The following CNTN5 variants were observed in gnomAD, a reference collection of about 807,000 sequenced individuals.
CNTN5 encodes the protein contactin 5.
Under a neutral mutation model 129.1 loss-of-function variants are expected in CNTN5, and 77 were observed. The observed-to-expected ratio is 0.60, with a 90% CI of 0.50 to 0.72. CNTN5 has a LOEUF of 0.72. Among genes scored for constraint, CNTN5 ranks in the 30% least tolerant of loss-of-function variants. CNTN5 has a pLI of 0.00. For missense variants in CNTN5, 1,478 were observed against 1,328.8 expected (o/e 1.11, Z -1.75); for synonymous variants, 509 against 465.6 (o/e 1.09, Z -1.20).
chr11:100,334,031 T>G (rs1951970780), intron 21 of CNTN5, among the ~76,000 whole-genome samples: 2 of 152,108 alleles, frequency 1.3e-5, no homozygotes, highest in African/African-American at 4.8e-5. Flanking sequence ...TCACAGTCTA[T>G]ACATCCAACA....
chr11:100,061,366 T>A lies in CNTN5; in HGVS notation c.1135T>A (p.Ser379Thr). The A allele has an allele frequency of 2.5e-6, 4 of 1,599,228 alleles. No homozygotes were observed. Among genetic ancestry groups the A allele is most frequent in the Non-Finnish European group, 3.4e-6 (4 of 1,168,632 alleles). The change falls in exon 10 of 25, where the codon TCC becomes ACC. Residue 379 changes from serine (S) to threonine (T), a missense_variant. Ser to Thr is a moderately conservative substitution (Grantham distance 58, BLOSUM62 1). Coordinates refer to ENST00000524871, the MANE Select transcript of CNTN5 (RefSeq NM_014361.4). Reference protein sequence around the residue: ...CRAENSRGKNSFRGQLQVYTY... With the variant: ...CRAENSRGKNTFRGQLQVYTY... ...AGCTGAAAACTCACGTGGAAAAAAT[T>A]CCTTTCGTGGACAATTACAAGTATA...
At chr11:99,033,457 G>A (rs1591076073) in intron 1 of CNTN5, among the ~76,000 whole-genome samples, 1 of 152,136 alleles carries the variant, frequency 6.6e-6, no homozygotes, top group African/African-American at 2.4e-5. Context: ...GCAGTGGTTT[G>A]TAGTTCTCCT....
At chr11:99,656,184 T>G (rs1591432763) in intron 3 of CNTN5, among the ~76,000 whole-genome samples, 1 of 152,032 alleles carries the variant, frequency 6.6e-6, no homozygotes, top group Admixed American at 6.6e-5. Flanking sequence ...TCCTACCTCT[T>G]TAACCTCTTC....
chr11:100,123,848 GGTA>G (rs1459604373), intron 13 of CNTN5, among the ~76,000 whole-genome samples: 1 of 151,824 alleles, frequency 6.6e-6, no homozygotes, highest in Non-Finnish European at 1.5e-5. Flanking sequence ...CTAGGGTTAA[GGTA>G]GTTTTTAAAA....
intron 2 of CNTN5, among the ~76,000 whole-genome samples, chr11:99,333,817 T>A (rs1866102683): frequency 6.6e-6 from 1 of 152,030 alleles, no homozygotes. Flanking sequence ...CTCTCTAGTG[T>A]CTTCAAAACT....
intron 6 of CNTN5, among the ~76,000 whole-genome samples, chr11:99,856,954 A>C (rs939914680): frequency 6.6e-6 from 1 of 151,870 alleles, no homozygotes; most frequent in African/African-American, 2.4e-5. Context: ...TCAATAACCC[A>C]CGTCTCTCTG....
chr11:99,853,288 C>T (rs1021276359), intron 6 of CNTN5, among the ~76,000 whole-genome samples: 8 of 151,822 alleles, frequency 5.3e-5, no homozygotes, highest in South Asian at 2.1e-4. Flanking sequence ...AATAGATAGA[C>T]GGATAATTGA....
chr11:99,994,451 T>A (rs1403471703), intron 8 of CNTN5, among the ~76,000 whole-genome samples: 1 of 152,216 alleles, frequency 6.6e-6, no homozygotes, highest in African/African-American at 2.4e-5. Context: ...TTGAAGTCCC[T>A]TTCTCCTAAG....
chr11:99,680,240 TA>T (rs1953491569), intron 3 of CNTN5, among the ~76,000 whole-genome samples: 1 of 152,164 alleles, frequency 6.6e-6, no homozygotes, highest in Admixed American at 6.6e-5. Context: ...AGCCTTTTAC[TA>T]GAAGAAGATG....
At chr11:99,509,346 G>A (rs1946747970) in intron 2 of CNTN5, among the ~76,000 whole-genome samples, 2 of 152,066 alleles carry the variant, frequency 1.3e-5, no homozygotes, top group Non-Finnish European at 2.9e-5. Flanking sequence ...CAAAAAATTT[G>A]TAAACAAACA....
At chr11:99,467,293 T>C (rs1329799077) in intron 2 of CNTN5, among the ~76,000 whole-genome samples, 1 of 152,180 alleles carries the variant, frequency 6.6e-6, no homozygotes, top group Non-Finnish European at 1.5e-5. Context: ...GAAAATGCTA[T>C]CCTGCAGTTT....
intron 3 of CNTN5, among the ~76,000 whole-genome samples, chr11:99,586,489 T>C (rs1170547577): frequency 4.6e-5 from 7 of 152,230 alleles, no homozygotes; most frequent in South Asian, 2.1e-4. Flanking sequence ...CTGCATATCA[T>C]GTTCTCTAGC....
chr11:100,212,871 T>C (rs1230634114), intron 15 of CNTN5, among the ~76,000 whole-genome samples: 2 of 152,122 alleles, frequency 1.3e-5, no homozygotes, highest in African/African-American at 4.8e-5. Flanking sequence ...TCTAAAATCA[T>C]ATTTTTCTCT....
At chr11:100,051,972 A>C (rs1244858556) in intron 9 of CNTN5, among the ~76,000 whole-genome samples, 1 of 152,090 alleles carries the variant, frequency 6.6e-6, no homozygotes, top group East Asian at 1.9e-4. Context: ...TAAAAAATTG[A>C]GTCCCAGTTA....
chr11:99,787,518 G>GA (rs71463593), intron 3 of CNTN5, among the ~76,000 whole-genome samples: 4,240 of 140,004 alleles, frequency 0.03, 75 homozygotes, highest in African/African-American at 0.037. Context: ...TTTTTACCCA[G>GA]AAAAAAAAAA....
intron 1 of CNTN5, among the ~76,000 whole-genome samples, chr11:99,306,911 C>A (rs894105746): frequency 6.6e-6 from 1 of 152,028 alleles, no homozygotes; most frequent in Non-Finnish European, 1.5e-5. Context: ...ACTCTCTTTT[C>A]TGATTGTTGT....
intron 1 of CNTN5, among the ~76,000 whole-genome samples, chr11:99,289,814 T>G (rs865812764): frequency 1.3e-5 from 2 of 151,964 alleles, no homozygotes; most frequent in Middle Eastern, 3.4e-3. Context: ...GAAATGAATG[T>G]GTTTTCTCAT....
chr11:99,485,473 A>G (rs1377877146), intron 2 of CNTN5, among the ~76,000 whole-genome samples: 1 of 152,124 alleles, frequency 6.6e-6, no homozygotes, highest in Non-Finnish European at 1.5e-5. Context: ...ATCAATTGTA[A>G]CATATGTACC....
At chr11:100,060,382 C>CA (rs892129875) in intron 9 of CNTN5, among the ~76,000 whole-genome samples, 1 of 151,766 alleles carries the variant, frequency 6.6e-6, no homozygotes, top group African/African-American at 2.4e-5. Context: ...AGCAAATATA[C>CA]AAAATTTATA....
Sources: allele counts gnomAD v4.1 joint callset (sites outside exome capture counted in the v4.1 genomes callset), GRCh38; gene constraint gnomAD v4.1.1; transcripts MANE v1.5; gene names NCBI Gene and HGNC (gene_info 2026-07-23, HGNC 2026-07-21).